GALNTL6: variants seen among roughly 807,000 people sequenced by gnomAD.
GALNTL6 encodes polypeptide N-acetylgalactosaminyltransferase like 6, also known as polypeptide N-acetylgalactosaminyltransferase-like 6.
In GALNTL6, 46 loss-of-function variants were observed where a neutral mutation model predicts 73.7. The observed-to-expected ratio is 0.62, with a 90% CI of 0.49 to 0.80. The LOEUF is 0.80. GALNTL6 is among the 30% of genes least tolerant of loss of function. GALNTL6 has a pLI of 0.00. For missense variants in GALNTL6, 604 were observed against 755.0 expected (o/e 0.80, Z 2.34); for synonymous variants, 259 against 263.7 (o/e 0.98, Z 0.17).
At chr4:172,723,233 G>A (rs918422534) in intron 5 of GALNTL6, among the ~76,000 whole-genome samples, 1 of 152,154 alleles carries the variant, frequency 6.6e-6, no homozygotes, top group African/African-American at 2.4e-5. Flanking sequence ...ATACTGTAAA[G>A]TAACATATTC....
intron 5 of GALNTL6, among the ~76,000 whole-genome samples, chr4:172,682,167 A>C (rs1484039727): frequency 1.3e-5 from 2 of 152,234 alleles, no homozygotes; most frequent in Non-Finnish European, 1.5e-5. Context: ...ATCTGGACAG[A>C]TAAAAACATG....
At chr4:172,482,439 C>T (rs1314775727) in intron 5 of GALNTL6, among the ~76,000 whole-genome samples, 3 of 152,198 alleles carry the variant, frequency 2.0e-5, no homozygotes, top group Non-Finnish European at 4.4e-5. Context: ...CAAGTTAGGG[C>T]CAGATTCAAG....
intron 5 of GALNTL6, among the ~76,000 whole-genome samples, chr4:172,502,626 A>C (rs2110780459): frequency 6.6e-6 from 1 of 152,352 alleles, no homozygotes; most frequent in African/African-American, 2.4e-5. Context: ...AAGAATGAAA[A>C]GTCCTTAGAT....
At chr4:172,740,065 A>G (rs1736711202) in intron 5 of GALNTL6, among the ~76,000 whole-genome samples, 1 of 151,930 alleles carries the variant, frequency 6.6e-6, no homozygotes, top group South Asian at 2.1e-4. Flanking sequence ...GCTCCCATTT[A>G]TTCTCTGACC....
intron 5 of GALNTL6, among the ~76,000 whole-genome samples, chr4:172,705,093 A>G (rs1251600638): frequency 6.6e-6 from 1 of 151,824 alleles, no homozygotes; most frequent in Non-Finnish European, 1.5e-5. Flanking sequence ...AATTTCTTAT[A>G]GGCAGCATTT....
At chr4:171,951,302 TA>T (rs1738869268) in intron 2 of GALNTL6, among the ~76,000 whole-genome samples, 1 of 152,070 alleles carries the variant, frequency 6.6e-6, no homozygotes, top group Non-Finnish European at 1.5e-5. Context: ...CATAATAATA[TA>T]ACTTTAAACA....
chr4:172,362,885 C>A (rs1367786310), intron 5 of GALNTL6, among the ~76,000 whole-genome samples: 1 of 152,168 alleles, frequency 6.6e-6, no homozygotes, highest in East Asian at 1.9e-4. Context: ...ACTTTGTAGT[C>A]ATTTTTCCTT....
At chr4:172,094,031 T>C (rs903889075) in intron 2 of GALNTL6, among the ~76,000 whole-genome samples, 1 of 152,190 alleles carries the variant, frequency 6.6e-6, no homozygotes, top group African/African-American at 2.4e-5. Context: ...ACAAAACCAG[T>C]CCCTGGTGCC....
At chr4:172,311,572 C>A (rs371210286) in intron 3 of GALNTL6, 42 bp from the exon 4 acceptor site, 50 of 1,544,580 alleles carry the variant, frequency 3.2e-5, no homozygotes, top group Admixed American at 9.4e-5. Context: ...GATAAAATGG[C>A]TTTTATAGAG....
intron 5 of GALNTL6, among the ~76,000 whole-genome samples, chr4:172,365,289 G>T (rs1742516457): frequency 6.6e-6 from 1 of 152,068 alleles, no homozygotes; most frequent in Non-Finnish European, 1.5e-5. Context: ...TCAGAGGGGA[G>T]GTTATCTTGG....
chr4:171,974,075 C>T (rs778664247), intron 2 of GALNTL6, among the ~76,000 whole-genome samples: 1 of 152,128 alleles, frequency 6.6e-6, no homozygotes, highest in Non-Finnish European at 1.5e-5. Context: ...TCTCAGCTCA[C>T]TGCATTCTCT....
chr4:172,567,783 C>A (rs1189985640), intron 5 of GALNTL6, among the ~76,000 whole-genome samples: 1 of 152,078 alleles, frequency 6.6e-6, no homozygotes, highest in Non-Finnish European at 1.5e-5. Flanking sequence ...TTGCAGTAAG[C>A]CAAGATAGTG....
At chr4:172,714,855 A>G (rs1011671447) in intron 5 of GALNTL6, among the ~76,000 whole-genome samples, 4 of 152,302 alleles carry the variant, frequency 2.6e-5, no homozygotes, top group Middle Eastern at 3.4e-3. Context: ...CCACTCATGC[A>G]TTTTAACATG....
chr4:171,858,530 A>C (rs1341389258), intron 2 of GALNTL6, among the ~76,000 whole-genome samples: 1 of 152,088 alleles, frequency 6.6e-6, no homozygotes, highest in Non-Finnish European at 1.5e-5. Context: ...TCAGGTGTGG[A>C]ATCTGAAGCC....
At chr4:172,255,021 T>G (rs572258197) in intron 3 of GALNTL6, among the ~76,000 whole-genome samples, 32 of 151,820 alleles carry the variant, frequency 2.1e-4, no homozygotes, top group Admixed American at 5.3e-4. Flanking sequence ...TTTGTTCATA[T>G]AAGACATCCC....
At chr4:172,838,425 T>C (rs542714420) in intron 7 of GALNTL6, among the ~76,000 whole-genome samples, 41 of 152,320 alleles carry the variant, frequency 2.7e-4, no homozygotes, top group Non-Finnish European at 4.7e-4. Context: ...ACACTGTTCT[T>C]GTGGGGGTGG....
chr4:172,143,528 C>T (rs1733853313), intron 2 of GALNTL6, among the ~76,000 whole-genome samples: 1 of 151,776 alleles, frequency 6.6e-6, no homozygotes, highest in South Asian at 2.1e-4. Context: ...CTTTTTTGCA[C>T]CATACTAACT....
intron 7 of GALNTL6, among the ~76,000 whole-genome samples, chr4:172,838,444 T>A (rs1439220956): frequency 6.6e-6 from 1 of 151,822 alleles, no homozygotes; most frequent in Non-Finnish European, 1.5e-5. Flanking sequence ...GGCAGAGGAG[T>A]CTTGCCCATG....
chr4:172,030,652 G>A (rs761425549), intron 2 of GALNTL6, among the ~76,000 whole-genome samples: 63 of 152,020 alleles, frequency 4.1e-4, no homozygotes, highest in Non-Finnish European at 6.8e-4. Context: ...AGAGGTTGCA[G>A]TAAGCCAAGA....
Sources: gnomAD v4.1 joint callset for allele counts (sites outside exome capture counted in the v4.1 genomes callset) on GRCh38, gnomAD v4.1.1 for gene constraint, MANE v1.5 for transcripts, NCBI Gene and HGNC (gene_info 2026-07-23, HGNC 2026-07-21) for gene names.